RORA: variants seen among roughly 807,000 people sequenced by gnomAD.
The protein encoded by RORA is RAR related orphan receptor A.
RORA carries 7 observed loss-of-function variants against 69.5 expected under a neutral mutation model. The observed-to-expected ratio is 0.10, with a 90% CI of 0.06 to 0.19. The LOEUF is 0.19. Among genes scored for constraint, RORA ranks in the 10% least tolerant of loss-of-function variants. The pLI is 1.00. For missense variants in RORA, 457 were observed against 663.0 expected, an observed-to-expected ratio of 0.69 and a Z score of 3.41; for synonymous variants, 261 against 240.8, an observed-to-expected ratio of 1.08 and a Z score of -0.78.
chr15:60,829,415 G>A (rs1349059787), intron 1 of RORA, among the ~76,000 whole-genome samples: 1 of 152,114 alleles, frequency 6.6e-6, no homozygotes, highest in Non-Finnish European at 1.5e-5. Flanking sequence ...CGTCTTAGAG[G>A]TTTTAACTTC....
At position 60,522,313 on chromosome 15, in the gene RORA, C is replaced by T. The variant is rs182500074; in HGVS notation, c.283-7556G>A. 9.2e-5 allele frequency among the ~76,000 whole-genome samples: 14 copies of T among 152,284 alleles called. No individual in the cohort carries two copies. In the East Asian group the frequency reaches 1.5e-3, roughly 17 times the overall value. On this transcript the variant is annotated intron_variant, in intron 3 of 10. Coordinates refer to ENST00000335670, the MANE Select transcript of RORA (RefSeq NM_134261.3). Reference sequence around the variant, plus strand: ...CTCTGTATTCTGTGAAAGAGCGGGTCGGGTGGCTTGAAAATGGCCATTGGT... The same window carrying T: ...CTCTGTATTCTGTGAAAGAGCGGGTTGGGTGGCTTGAAAATGGCCATTGGT...
chr15:60,513,115 A>C (rs1036013035), intron 4 of RORA, among the ~76,000 whole-genome samples: 1 of 152,320 alleles, frequency 6.6e-6, no homozygotes, highest in South Asian at 2.1e-4. Context: ...TTTTCTTGCC[A>C]AAGAGGACGC....
chr15:60,732,412 G>C (rs923441296), intron 1 of RORA, among the ~76,000 whole-genome samples: 5 of 152,146 alleles, frequency 3.3e-5, no homozygotes, highest in African/African-American at 1.2e-4. Context: ...TTTTCTCTCT[G>C]TGGGAAATCT....
At chr15:61,187,758 G>A (rs918994444) in intron 1 of RORA, among the ~76,000 whole-genome samples, 1 of 152,160 alleles carries the variant, frequency 6.6e-6, no homozygotes, top group African/African-American at 2.4e-5. Context: ...TGACAAGCCC[G>A]CACTGTTGGC....
At chr15:60,832,429 G>T (rs1319749970) in intron 1 of RORA, among the ~76,000 whole-genome samples, 2 of 152,152 alleles carry the variant, frequency 1.3e-5, no homozygotes, top group African/African-American at 4.8e-5. Flanking sequence ...TATGGACTTG[G>T]TGGTGAGCCA....
chr15:61,087,413 A>T (rs1480927241), intron 1 of RORA, among the ~76,000 whole-genome samples: 3 of 152,234 alleles, frequency 2.0e-5, no homozygotes, highest in Non-Finnish European at 4.4e-5. Context: ...GTGTCTTCAA[A>T]TGCAAAGTCA....
chr15:61,096,753 C>G (rs749077040), intron 1 of RORA, among the ~76,000 whole-genome samples: 1 of 152,116 alleles, frequency 6.6e-6, no homozygotes, highest in African/African-American at 2.4e-5. Flanking sequence ...CATTAAAAAC[C>G]GGTCCTGTCC....
At chr15:60,879,892 G>C (rs113783049) in intron 1 of RORA, among the ~76,000 whole-genome samples, 1 of 152,182 alleles carries the variant, frequency 6.6e-6, no homozygotes, top group African/African-American at 2.4e-5. Context: ...ATTTTAGAAT[G>C]CTGTTTCCTT....
At position 60,614,382 on chromosome 15, in the gene RORA, A is replaced by G. The variant is rs2069174771; in HGVS notation, c.196+64275T>C. 2.0e-5 allele frequency among the ~76,000 whole-genome samples: 3 copies of G among 152,136 alleles called. No individual in the cohort carries two copies. The South Asian group carries it at 6.2e-4, about 32-fold the overall frequency. On this transcript the variant is annotated intron_variant, in intron 2 of 10. Coordinates refer to ENST00000335670, the MANE Select transcript of RORA (RefSeq NM_134261.3). ...AGATAGTAGACCCTAAATCGAAATAAAAAAATTGGAGCAGCAAGGCAAATC... is the reference window on the plus strand; with the variant it reads ...AGATAGTAGACCCTAAATCGAAATAGAAAAATTGGAGCAGCAAGGCAAATC...
intron 1 of RORA, among the ~76,000 whole-genome samples, chr15:61,100,784 A>T (rs886779905): frequency 1.4e-4 from 21 of 151,784 alleles, no homozygotes; most frequent in African/African-American, 4.8e-4. Context: ...CTTATCTTAC[A>T]CTCCTTACAG....
At chr15:60,930,380 A>G (rs1254475996) in intron 1 of RORA, among the ~76,000 whole-genome samples, 1 of 152,152 alleles carries the variant, frequency 6.6e-6, no homozygotes, top group East Asian at 1.9e-4. Context: ...GAGAGACAGA[A>G]AGATCCAATT....
chr15:60,923,555 G>A (rs746335145), intron 1 of RORA, among the ~76,000 whole-genome samples: 2 of 152,196 alleles, frequency 1.3e-5, no homozygotes, highest in African/African-American at 2.4e-5. Context: ...GTGGGCTTCC[G>A]ATGATTTCTA....
At chr15:61,030,159 T>C (rs1157242857) in intron 1 of RORA, among the ~76,000 whole-genome samples, 1 of 152,158 alleles carries the variant, frequency 6.6e-6, no homozygotes, top group African/African-American at 2.4e-5. Flanking sequence ...AGTGTTCACA[T>C]TAAAGGAAAC....
At chr15:60,826,930 A>G (rs2072971611) in intron 1 of RORA, among the ~76,000 whole-genome samples, 1 of 152,212 alleles carries the variant, frequency 6.6e-6, no homozygotes, top group African/African-American at 2.4e-5. Flanking sequence ...TGGAAACTCC[A>G]TAACTTTCAG....
In RORA at chr15:60,496,991, G is replaced by A. The variant is rs1426844643; in HGVS notation, c.*464C>T. On this transcript the variant is annotated 3_prime_UTR_variant, in exon 11 of 11. Transcript: ENST00000335670. The surrounding 1 kb of genome is among the most constrained non-coding windows in gnomAD (Gnocchi z 4.5). The stretch of plus-strand genomic sequence containing the variant: ...ATCCTGCGGACTGGCAATAATCGGT[G>A]AAAAAATAAAAACTTCCTTCATGAA... 3 of 154,106 alleles carry A rather than the reference G, an allele frequency of 1.9e-5. No individual in the cohort carries two copies. Among genetic ancestry groups the A allele is most frequent in the Non-Finnish European group, 1.4e-5 (1 of 69,436 alleles). The allele number at this position is 154,106 out of a possible 1,614,324, so 9.5% of individuals were successfully genotyped here.
At chr15:60,597,573 TACAC>T (rs1555435972) in intron 2 of RORA, among the ~76,000 whole-genome samples, 3,280 of 37,154 alleles carry the variant, frequency 0.088, 528 homozygotes, top group Non-Finnish European at 0.099. Flanking sequence ...TATATATATA[TACAC>T]ATATATATAT....
At chr15:60,760,224 G>A (rs148894652) in intron 1 of RORA, among the ~76,000 whole-genome samples, 18 of 152,210 alleles carry the variant, frequency 1.2e-4, no homozygotes, top group African/African-American at 4.1e-4. Flanking sequence ...CGTTGGGGTG[G>A]AGGAACTGTG....
chr15:60,680,051 T>C (rs1379292628), intron 1 of RORA, among the ~76,000 whole-genome samples: 2 of 152,230 alleles, frequency 1.3e-5, no homozygotes, highest in Non-Finnish European at 2.9e-5. Flanking sequence ...TCTAGAATTT[T>C]TTGAAATAAC....
intron 1 of RORA, among the ~76,000 whole-genome samples, chr15:61,105,578 G>A (rs998134295): frequency 2.0e-5 from 3 of 152,074 alleles, no homozygotes; most frequent in Admixed American, 1.3e-4. Context: ...GTGCCTCAAC[G>A]ATTGCCCCTC....
Sources: allele counts gnomAD v4.1 joint callset (sites outside exome capture counted in the v4.1 genomes callset), GRCh38; gene constraint gnomAD v4.1.1; non-coding constraint Gnocchi (gnomAD v3.1); transcripts MANE v1.5; gene names NCBI Gene and HGNC (gene_info 2026-07-23, HGNC 2026-07-21).